Variants in IMMP2L observed in about 807,000 individuals in gnomAD.
IMMP2L encodes the protein mitochondrial inner membrane protease subunit 2.
In IMMP2L, 18 loss-of-function variants were observed where a neutral mutation model predicts 19.3. That is an observed-to-expected ratio of 0.93 (90% confidence interval 0.64 to 1.38). The LOEUF (loss-of-function observed/expected upper bound fraction) is 1.38. IMMP2L is among the 40% of genes most tolerant of loss of function. IMMP2L has a pLI of 0.00. For synonymous variants in IMMP2L, 76 were observed against 73.0 expected (o/e 1.04, Z -0.21); for missense variants, 233 against 218.2 (o/e 1.07, Z -0.43).
chr7:110,751,712 T>C (rs1045104543), intron 5 of IMMP2L, among the ~76,000 whole-genome samples: 6 of 152,048 alleles, frequency 3.9e-5, no homozygotes, highest in Non-Finnish European at 8.8e-5. Context: ...TAAGCCTAGA[T>C]TGCATTTTGT....
chr7:111,075,043 G>A (rs988047172), intron 3 of IMMP2L, among the ~76,000 whole-genome samples: 4 of 151,928 alleles, frequency 2.6e-5, no homozygotes, highest in Non-Finnish European at 5.9e-5. Context: ...AGGAGGCAAT[G>A]GGGTTCAAGA....
chr7:111,110,067 G>A (rs1315953841), intron 3 of IMMP2L, among the ~76,000 whole-genome samples: 1 of 152,108 alleles, frequency 6.6e-6, no homozygotes, highest in African/African-American at 2.4e-5. Flanking sequence ...CCCAGGAGGT[G>A]GAGGTTGCAG....
chr7:111,202,397 T>C (rs983786612), intron 3 of IMMP2L, among the ~76,000 whole-genome samples: 20 of 152,204 alleles, frequency 1.3e-4, no homozygotes, highest in African/African-American at 4.3e-4. Context: ...CATAGCTTCC[T>C]GTCATGTAGA....
intron 3 of IMMP2L, among the ~76,000 whole-genome samples, chr7:111,288,550 T>G (rs1325237271): frequency 6.6e-6 from 1 of 152,026 alleles, no homozygotes; most frequent in African/African-American, 2.4e-5. Context: ...ATATCCAGAA[T>G]CTACAAAGAA....
chr7:110,770,598 A>G (rs1798969730), intron 5 of IMMP2L, among the ~76,000 whole-genome samples: 1 of 152,124 alleles, frequency 6.6e-6, no homozygotes, highest in South Asian at 2.1e-4. Flanking sequence ...ATGTTCCTGA[A>G]GTTATTTTTA....
At chr7:111,230,740 G>A (rs964114344) in intron 3 of IMMP2L, among the ~76,000 whole-genome samples, 1 of 152,048 alleles carries the variant, frequency 6.6e-6, no homozygotes, top group African/African-American at 2.4e-5. Context: ...AGTTTACTGA[G>A]AGTGTATGAG....
At position 111,421,304 on chromosome 7, in the gene IMMP2L, C is replaced by T. The variant is rs1393990248; in HGVS notation, c.239+65934G>A. Among the ~76,000 whole-genome samples, 4 of 133,886 alleles carry T rather than the reference C, an allele frequency of 3.0e-5. No individual in the cohort carries two copies. The Admixed American group carries it at 3.3e-4, about 11-fold the overall frequency. The allele number at this position is 133,886 out of a possible 152,430, so 87.8% of individuals were successfully genotyped here. A position where few individuals can be genotyped will look rare whatever the true frequency, so the allele number is the denominator to read the frequency against. On this transcript the variant is annotated intron_variant, in intron 3 of 5. Coordinates refer to ENST00000405709, the MANE Select transcript of IMMP2L (RefSeq NM_032549.4). ...TTTTTTTTTGAGACGGAGTCTCGCT[C>T]TGTGGCCCAGGTGGGAGTGCAGTGG...
At chr7:110,947,297 G>T (rs1297480756) in intron 4 of IMMP2L, among the ~76,000 whole-genome samples, 1 of 152,072 alleles carries the variant, frequency 6.6e-6, no homozygotes, top group African/African-American at 2.4e-5. Context: ...GGATGTTGCA[G>T]GTTTTAATAA....
intron 2 of IMMP2L, among the ~76,000 whole-genome samples, chr7:111,489,120 T>G (rs1216412742): frequency 7.0e-6 from 1 of 142,656 alleles, no homozygotes; most frequent in Non-Finnish European, 1.5e-5. Flanking sequence ...CTCCGCTCAC[T>G]GCAATCTCCG....
At chr7:111,560,544 G>C (rs1791919502) in intron 1 of IMMP2L, among the ~76,000 whole-genome samples, 1 of 152,164 alleles carries the variant, frequency 6.6e-6, no homozygotes, top group South Asian at 2.1e-4. Context: ...GTTTATTACT[G>C]AAAGTACTAG....
intron 3 of IMMP2L, among the ~76,000 whole-genome samples, chr7:111,382,458 C>T (rs371677337): frequency 1.2e-4 from 18 of 151,966 alleles, no homozygotes; most frequent in African/African-American, 2.7e-4. Flanking sequence ...CTCCAAAAGG[C>T]GAAAGAGCAA....
chr7:110,808,982 T>A (rs1315792006), intron 5 of IMMP2L, among the ~76,000 whole-genome samples: 1 of 152,048 alleles, frequency 6.6e-6, no homozygotes, highest in Non-Finnish European at 1.5e-5. Context: ...ACCCTTCCTA[T>A]AGGAGTTACT....
At chr7:111,477,412 CTTGT>C (rs1031144743) in intron 3 of IMMP2L, among the ~76,000 whole-genome samples, 5 of 152,034 alleles carry the variant, frequency 3.3e-5, no homozygotes, top group Admixed American at 6.6e-5. Context: ...GTGCCAGGGG[CTTGT>C]TTGTCTGAAA....
chr7:111,460,082 A>G (rs1046170433), intron 3 of IMMP2L, among the ~76,000 whole-genome samples: 1 of 152,128 alleles, frequency 6.6e-6, no homozygotes, highest in African/African-American at 2.4e-5. Flanking sequence ...TTTGAAATTC[A>G]GCTGTGTGGG....
chr7:111,101,960 A>G (rs1475841537), intron 3 of IMMP2L, among the ~76,000 whole-genome samples: 1 of 151,368 alleles, frequency 6.6e-6, no homozygotes, highest in African/African-American at 2.4e-5. Flanking sequence ...TTCTGCCCAC[A>G]TGTTCATGAA....
intron 5 of IMMP2L, among the ~76,000 whole-genome samples, chr7:110,690,512 G>T (rs918545213): frequency 3.3e-5 from 5 of 152,032 alleles, no homozygotes; most frequent in African/African-American, 1.2e-4. Context: ...GGGAAAGTCA[G>T]ACTATCTCTA....
intron 3 of IMMP2L, among the ~76,000 whole-genome samples, chr7:111,442,183 G>A (rs1837810381): frequency 6.6e-6 from 1 of 151,602 alleles, no homozygotes; most frequent in Admixed American, 6.6e-5. Flanking sequence ...ATTTATCAGA[G>A]GAATGTCCAA....
At chr7:110,892,292 T>C (rs913633362) in intron 4 of IMMP2L, among the ~76,000 whole-genome samples, 1 of 152,172 alleles carries the variant, frequency 6.6e-6, no homozygotes, top group Non-Finnish European at 1.5e-5. Flanking sequence ...TCACAAACCA[T>C]CGTCTGCTTT....
intron 5 of IMMP2L, among the ~76,000 whole-genome samples, chr7:110,737,676 C>T (rs1796729616): frequency 6.6e-6 from 1 of 152,212 alleles, no homozygotes; most frequent in Admixed American, 6.5e-5. Flanking sequence ...AACCAGTTGT[C>T]CCTAGAGCAA....
Sources: allele counts gnomAD v4.1 joint callset (sites outside exome capture counted in the v4.1 genomes callset), GRCh38; gene constraint gnomAD v4.1.1; transcripts MANE v1.5; gene names NCBI Gene and HGNC (gene_info 2026-07-23, HGNC 2026-07-21).